NEIL2: variants seen among roughly 807,000 people sequenced by gnomAD.
NEIL2 encodes endonuclease 8-like 2.
Under a neutral mutation model 22.2 loss-of-function variants are expected in NEIL2, and 23 were observed. That is an observed-to-expected ratio of 1.04 (90% CI 0.75 to 1.47). The LOEUF is 1.47. Ranked by LOEUF, NEIL2 falls within the 40% of genes most tolerant of loss-of-function variation. The pLI, the probability that NEIL2 is intolerant of heterozygous loss-of-function variation, is 0.00. For missense variants in NEIL2, 583 were observed against 404.7 expected (o/e 1.44, Z -3.78); for synonymous variants, 229 against 164.8 (o/e 1.39, Z -2.99).
intron 2 of NEIL2, among the ~76,000 whole-genome samples, chr8:11,779,341 C>G (rs1431812220): frequency 1.3e-5 from 2 of 152,194 alleles, no homozygotes; most frequent in Non-Finnish European, 2.9e-5. Flanking sequence ...TTCAGGTATT[C>G]CAGGGTGGCC....
At position 11,786,287 on chromosome 8, in the gene NEIL2, C is replaced by T; in HGVS notation, c.*14C>T. On this transcript the variant is annotated 3_prime_UTR_variant, in exon 5 of 5. Coordinates refer to ENST00000284503, the MANE Select transcript of NEIL2 (RefSeq NM_145043.4). Reference sequence around the variant, plus strand: ...CAGTTCTCCTAAGGAGCTGGTGGTGCTCCTCACGGAACCTTGCCGCTTGGG... The same window carrying T: ...CAGTTCTCCTAAGGAGCTGGTGGTGTTCCTCACGGAACCTTGCCGCTTGGG... 1 of 1,603,870 alleles carries T rather than the reference C, an allele frequency of 6.2e-7. No individual in the cohort carries two copies. Among genetic ancestry groups the T allele is most frequent in the Non-Finnish European group, 8.5e-7 (1 of 1,177,312 alleles).
chr8:11,771,520 A>C lies in NEIL2; in HGVS notation c.73A>C (p.Thr25Pro). 6.2e-7 allele frequency: 1 copy of C among 1,614,078 alleles called. No homozygotes were observed. Among genetic ancestry groups the C allele is most frequent in the South Asian group, 1.1e-5 (1 of 91,078 alleles). ...CTTTGTGGGTCAGCAGGTGGTCAAG[A>C]CAGGGGGCAGCAGTAAGAAGCTACA... ...SPFVGQQVVK[T>P]GGSSKKLQPA... Residue 25 changes from threonine to proline, a missense_variant, in exon 2 of 5, where the codon ACA becomes CCA. By Grantham distance (38) the Thr-to-Pro change is conservative (BLOSUM62 -1). Coordinates refer to ENST00000284503, the MANE Select transcript of NEIL2 (RefSeq NM_145043.4).
intron 1 of NEIL2, among the ~76,000 whole-genome samples, chr8:11,771,073 A>G (rs1803394224): frequency 6.6e-6 from 1 of 152,190 alleles, no homozygotes; most frequent in Admixed American, 6.5e-5. Context: ...AGAGAAAGTC[A>G]GGAGGTGTTA....
chr8:11,775,445 T>C (rs1803830450), intron 2 of NEIL2, among the ~76,000 whole-genome samples: 1 of 152,198 alleles, frequency 6.6e-6, no homozygotes, highest in South Asian at 2.1e-4. Context: ...AACCATTTTT[T>C]CCTTCTAGGT....
intron 2 of NEIL2, among the ~76,000 whole-genome samples, chr8:11,772,487 C>G (rs1803545624): frequency 6.6e-6 from 1 of 152,254 alleles, no homozygotes; most frequent in Non-Finnish European, 1.5e-5. Context: ...CTTCCAGCTT[C>G]CACTTGGCCA....
At position 11,786,030 on chromosome 8, in the gene NEIL2, G is replaced by C; in HGVS notation, c.756G>C (p.Leu252=). Residue 252 remains leucine (L), a synonymous_variant, in exon 5 of 5, where the codon CTG becomes CTC. Transcript: ENST00000284503. ...ATCCCCTTTCTCTCGGTTCAGTCCT[G>C]AGTGCCTCGCGTCGGGAGGTCCTGG... The part of the protein sequence containing the change: ...GIHPLSLGSV[L]SASRREVLVD... The C allele has an allele frequency of 6.2e-7, 1 of 1,614,184 alleles. No individual in the cohort carries two copies. The highest frequency in any genetic ancestry group is 8.5e-7 in the Non-Finnish European group (1 of 1,180,024).
intron 2 of NEIL2, among the ~76,000 whole-genome samples, chr8:11,777,308 C>T (rs1054813137): frequency 6.6e-6 from 1 of 152,034 alleles, no homozygotes; most frequent in South Asian, 2.1e-4. Flanking sequence ...ACACTTTTCT[C>T]TGTGCTCTTG....
chr8:11,774,556 T>A lies in NEIL2; in HGVS notation c.138+2971T>A, dbSNP rs887167434. ...CCCTTCCAAAGCACAAGTCCTCACA[T>A]TTCAAAACCAATCATGCCTTCCCAA... On this transcript the variant is annotated intron_variant, in intron 2 of 4. Transcript: ENST00000284503. Among the ~76,000 whole-genome samples the A allele has an allele frequency of 1.5e-4, 23 of 152,288 alleles. 1 individual carries two copies. Among genetic ancestry groups the A allele is most frequent in the South Asian group, 4.1e-4 (2 of 4,822 alleles).
At chr8:11,783,803 C>T (rs574976592) in intron 4 of NEIL2, among the ~76,000 whole-genome samples, 72 of 152,268 alleles carry the variant, frequency 4.7e-4, no homozygotes, top group African/African-American at 1.7e-3. Context: ...GCAGTGAGCG[C>T]GTGTTCTAAG....
rs1805019093 is a variant in NEIL2, at chr8:11,786,927, A to C, written c.*654A>C. The stretch of plus-strand genomic sequence containing the variant: ...AATGTTGGGACCACGGGTGTGAGCC[A>C]CCGCGCCCAGCTAGCTCCTGTGTTT... On this transcript the variant is annotated 3_prime_UTR_variant, in exon 5 of 5. Transcript: ENST00000284503. 1 of 152,604 alleles carries C rather than the reference A, an allele frequency of 6.6e-6. No individual in the cohort carries two copies. The highest frequency in any genetic ancestry group is 6.5e-5 in the Admixed American group (1 of 15,322). 9.5% of individuals were successfully genotyped at this position (152,604 alleles called of 1,614,324 possible).
intron 2 of NEIL2, among the ~76,000 whole-genome samples, chr8:11,772,209 A>C (rs1221079948): frequency 2.0e-5 from 3 of 151,842 alleles, no homozygotes; most frequent in Non-Finnish European, 4.4e-5. Flanking sequence ...TCTCAAAAAA[A>C]AGAAAAGAAA....
intron 2 of NEIL2, 138 bp downstream of exon 2, chr8:11,771,723 C>A: frequency 1.2e-6 from 1 of 821,290 alleles, no homozygotes; most frequent in Non-Finnish European, 1.9e-6. Context: ...CTCCCTCTTT[C>A]AGTCTCACGT....
chr8:11,778,836 C>T (rs1804135956), intron 2 of NEIL2, among the ~76,000 whole-genome samples: 2 of 149,162 alleles, frequency 1.3e-5, no homozygotes, highest in South Asian at 2.2e-4. Flanking sequence ...CCTACAGTCC[C>T]AGCTACTTGG....
chr8:11,770,141 C>A lies in NEIL2; in HGVS notation c.-197C>A, dbSNP rs1160561698. On this transcript the variant is annotated 5_prime_UTR_variant, in exon 1 of 5. Coordinates refer to ENST00000284503, the MANE Select transcript of NEIL2 (RefSeq NM_145043.4). ...GGTGGGCGCGGCATCTTCAGCGACT[C>A]TTCGAAGTCCCTTCCGCGTCTCATC... 6.6e-6 allele frequency: 1 copy of A among 152,236 alleles called. No homozygotes were observed. The highest frequency in any genetic ancestry group is 2.4e-5 in the African/African-American group (1 of 41,458). The allele number at this position is 152,236 out of a possible 1,614,324, so 9.4% of individuals were successfully genotyped here. A position where few individuals can be genotyped will look rare whatever the true frequency, so the allele number is the denominator to read the frequency against.
rs755208117 is a variant in NEIL2, at chr8:11,779,932, G to C, written c.473G>C (p.Trp158Ser). The change falls in exon 3 of 5, where the codon TGG becomes TCG. Residue 158 changes from tryptophan to serine, a missense_variant. Transcript: ENST00000284503. ...RAKKANKRGD[W>S]RDPSPRLVLH... ...AAGAAAGCCAACAAGAGGGGGGACT[G>C]GAGGGACCCTTCCCCGAGGTAATGG... The C allele has an allele frequency of 6.2e-7, 1 of 1,614,038 alleles. No individual in the cohort carries two copies. Among genetic ancestry groups the C allele is most frequent in the South Asian group, 1.1e-5 (1 of 91,078 alleles).
intron 3 of NEIL2, among the ~76,000 whole-genome samples, chr8:11,781,707 CTT>C (rs1275537251): frequency 6.6e-6 from 1 of 152,152 alleles, no homozygotes; most frequent in African/African-American, 2.4e-5. Flanking sequence ...TGCTTTGTCT[CTT>C]TTTTCTTTAA....
At chr8:11,775,194 C>A (rs986876876) in intron 2 of NEIL2, among the ~76,000 whole-genome samples, 1 of 152,266 alleles carries the variant, frequency 6.6e-6, no homozygotes, top group East Asian at 1.9e-4. Flanking sequence ...CCTGGACATC[C>A]CGTTGTTTCT....
At chr8:11,776,736 G>T (rs555931125) in intron 2 of NEIL2, among the ~76,000 whole-genome samples, 87 of 152,262 alleles carry the variant, frequency 5.7e-4, no homozygotes, top group Non-Finnish European at 9.7e-4. Context: ...GTCACCTGGG[G>T]TCACGATGGG....
At chr8:11,773,834 C>G (rs547945028) in intron 2 of NEIL2, among the ~76,000 whole-genome samples, 1 of 152,148 alleles carries the variant, frequency 6.6e-6, no homozygotes, top group Non-Finnish European at 1.5e-5. Context: ...AATGGCTACT[C>G]TAGCTCATGG....
Sources: gnomAD v4.1 joint callset for allele counts (sites outside exome capture counted in the v4.1 genomes callset) on GRCh38, gnomAD v4.1.1 for gene constraint, MANE v1.5 for transcripts, NCBI Gene and HGNC (gene_info 2026-07-23, HGNC 2026-07-21) for gene names.